The following MMEL1 variants were observed in gnomAD, a reference collection of about 807,000 sequenced individuals.
MMEL1 encodes the protein membrane metalloendopeptidase like 1, also known as membrane metallo-endopeptidase-like 1.
MMEL1 carries 98 observed loss-of-function variants against 117.1 expected under a neutral mutation model. That is an observed-to-expected ratio of 0.84 (90% CI 0.71 to 0.99). The LOEUF (loss-of-function observed/expected upper bound fraction) is 0.99. Ranked by LOEUF, MMEL1 falls within the 50% of genes least tolerant of loss-of-function variation. The pLI, the probability that MMEL1 is intolerant of heterozygous loss-of-function variation, is 0.00. For missense variants in MMEL1, 1,014 were observed against 1,049.1 expected (o/e 0.97, Z 0.46); for synonymous variants, 390 against 415.1 (o/e 0.94, Z 0.74).
intron 2 of MMEL1, among the ~76,000 whole-genome samples, chr1:2,623,013 C>CA (rs1645313743): frequency 6.6e-6 from 1 of 150,536 alleles, no homozygotes; most frequent in Non-Finnish European, 1.5e-5. Context: ...ACCAAAAATA[C>CA]AAAAAATTAG....
At chr1:2,630,875 T>C (rs1430301871) in intron 1 of MMEL1, among the ~76,000 whole-genome samples, 1 of 148,208 alleles carries the variant, frequency 6.7e-6, no homozygotes, top group Non-Finnish European at 1.5e-5. Context: ...CGTGTGTGCA[T>C]GTGTGTGACT....
At position 2,598,208 on chromosome 1, in the gene MMEL1, T is replaced by C. The variant is rs1481660460; in HGVS notation, c.1271A>G (p.Lys424Arg). Reference sequence around the variant, plus strand: ...GCTCTGGGCAGGGAAGGGGCTCACCTTGCGGTAGTTCACTCGTGTGTCCTT... The same window carrying C: ...GCTCTGGGCAGGGAAGGGGCTCACCCTGCGGTAGTTCACTCGTGTGTCCTT... ...RFKDTRVNYR[K>R]ALFGTMVEEV... The change falls in exon 13 of 24, where the codon AAG (lysine) becomes AGG (arginine). Residue 424 changes from lysine to arginine, a missense_variant and splice_region_variant. Coordinates refer to ENST00000378412, the MANE Select transcript of MMEL1 (RefSeq NM_033467.4). 6.2e-7 allele frequency: 1 copy of C among 1,613,704 alleles called. No individual in the cohort carries two copies. Among genetic ancestry groups the C allele is most frequent in the African/African-American group, 1.3e-5 (1 of 74,922 alleles).
At position 2,595,002 on chromosome 1, in the gene MMEL1, G is replaced by A. The variant is rs951365528; in HGVS notation, c.1585-109C>T. 1.1e-5 allele frequency: 10 copies of A among 907,724 alleles called. No individual in the cohort carries two copies. The highest frequency in any genetic ancestry group is 3.3e-5 in the African/African-American group (2 of 60,638). 56.2% of individuals were successfully genotyped at this position (907,724 alleles called of 1,614,324 possible). A position where few individuals can be genotyped will look rare whatever the true frequency, so the allele number is the denominator to read the frequency against. ...GGACCTCAAGCCTTGCCAGGCGTCC[G>A]CACGTGGACAGTCGGCTGTGGGTGC... On this transcript the variant is annotated intron_variant, in intron 16 of 23. Coordinates refer to ENST00000378412, the MANE Select transcript of MMEL1 (RefSeq NM_033467.4). The surrounding 1 kb of genome is among the most constrained non-coding windows in gnomAD (Gnocchi z 4.8).
At chr1:2,594,769 C>T (rs766550796) in intron 17 of MMEL1, 21 bp downstream of exon 17, 19 of 1,601,804 alleles carry the variant, frequency 1.2e-5, no homozygotes, top group Middle Eastern at 1.7e-4. Flanking sequence ...CCGCCCATGC[C>T]GCACCAGCGA....
At position 2,611,357 on chromosome 1, in the gene MMEL1, GC is replaced by G; in HGVS notation, c.233-18del. The G allele has an allele frequency of 6.6e-7, 1 of 1,506,816 alleles. No individual in the cohort carries two copies. Among genetic ancestry groups the G allele is most frequent in the Non-Finnish European group, 8.9e-7 (1 of 1,127,392 alleles). The allele number at this position is 1,506,816 out of a possible 1,614,324, so 93.3% of individuals were successfully genotyped here. A position where few individuals can be genotyped will look rare whatever the true frequency, so the allele number is the denominator to read the frequency against. Reference sequence around the variant, plus strand: ...CTGGGATCCCTGCGGGCAAGGAGCAGCCTGAGCACCGGGAGCCACGGAGAGG... The same window carrying G: ...CTGGGATCCCTGCGGGCAAGGAGCAGCTGAGCACCGGGAGCCACGGAGAGG... On this transcript the variant is annotated intron_variant, in intron 3 of 23. Coordinates refer to ENST00000378412, the MANE Select transcript of MMEL1 (RefSeq NM_033467.4).
intron 7 of MMEL1, among the ~76,000 whole-genome samples, 170 bp downstream of exon 7, chr1:2,606,804 C>T (rs1645036083): frequency 6.6e-6 from 1 of 152,140 alleles, no homozygotes; most frequent in African/African-American, 2.4e-5. Context: ...ACCTAAACCA[C>T]CTCCCAGGAC....
intron 14 of MMEL1, 133 bp from the exon 15 acceptor site, chr1:2,596,240 G>T: frequency 1.2e-6 from 1 of 814,746 alleles, no homozygotes; most frequent in Non-Finnish European, 2.0e-6. Flanking sequence ...GGGCCTCTCA[G>T]GTGAGGTGTG....
At chr1:2,607,639 A>G (rs1018920007) in intron 6 of MMEL1, among the ~76,000 whole-genome samples, 4 of 152,152 alleles carry the variant, frequency 2.6e-5, no homozygotes, top group Non-Finnish European at 5.9e-5. Context: ...GACCACCCAC[A>G]GGGCAAAGTG....
rs149835475 is a variant in MMEL1 at position 2,602,353 on chromosome 1, C to T, written c.1041+1531G>A. On this transcript the variant is annotated intron_variant, in intron 11 of 23. Coordinates refer to ENST00000378412, the MANE Select transcript of MMEL1 (RefSeq NM_033467.4). ...CATAAATGCATTGTAAACCAAATGT[C>T]CCCAAACCCTGGGCTCCTGGACGCT... is the stretch of plus-strand genomic sequence containing the variant. 5.9e-3 allele frequency among the ~76,000 whole-genome samples: 897 copies of T among 152,252 alleles called. 3 individuals are homozygous for T. Among genetic ancestry groups the T allele is most frequent in the Non-Finnish European group, 9.6e-3 (650 of 67,992 alleles).
chr1:2,620,429 A>C (rs542882390), intron 2 of MMEL1, among the ~76,000 whole-genome samples: 2 of 152,342 alleles, frequency 1.3e-5, no homozygotes, highest in South Asian at 4.1e-4. Flanking sequence ...GGCTCCCCAA[A>C]CTTGTCTGAT....
rs1200320805 is a variant in MMEL1 at position 2,594,385 on chromosome 1, C to T, written c.1747G>A (p.Val583Ile). ...CAGGCAGGGAGGGGGAGGAACTTAC[C>T]AATCTGGTTTCGGTTTGGGGAGTAG... ...AFYSPNRNQI[V>I]FPAGILQPPF... The change falls in exon 18 of 24, where the codon GTA becomes ATA. Residue 583 changes from valine to isoleucine, a missense_variant and splice_region_variant. Physicochemically the swap from Val to Ile is conservative, Grantham distance 29. Coordinates refer to ENST00000378412, the MANE Select transcript of MMEL1 (RefSeq NM_033467.4). 6.4e-7 allele frequency: 1 copy of T among 1,551,738 alleles called. No individual in the cohort carries two copies. Among genetic ancestry groups the T allele is most frequent in the Non-Finnish European group, 8.7e-7 (1 of 1,147,024 alleles).
chr1:2,603,802 G>T, intron 11 of MMEL1, 82 bp downstream of exon 11: 4 of 1,239,294 alleles, frequency 3.2e-6, no homozygotes, highest in South Asian at 2.5e-5. Flanking sequence ...GCCAGGCAAC[G>T]TGCCCTCTCA....
intron 2 of MMEL1, among the ~76,000 whole-genome samples, chr1:2,614,088 G>A (rs887708371): frequency 1.3e-5 from 2 of 152,228 alleles, no homozygotes; most frequent in Non-Finnish European, 2.9e-5. Flanking sequence ...TATTCTGTAC[G>A]ATACTGTGGT....
intron 23 of MMEL1, 186 bp from the exon 24 acceptor site, chr1:2,591,275 C>T (rs374597613): frequency 8.9e-5 from 53 of 596,592 alleles, no homozygotes; most frequent in East Asian, 4.5e-4. Flanking sequence ...CTGAGAATAA[C>T]CTCCCCTCCA....
chr1:2,608,676 C>G (rs900431654), intron 6 of MMEL1, among the ~76,000 whole-genome samples: 1 of 151,922 alleles, frequency 6.6e-6, no homozygotes, highest in African/African-American at 2.4e-5. Context: ...ATAGAATACA[C>G]ACATATACAC....
rs1570660012 is a variant in MMEL1 at position 2,598,726 on chromosome 1, T to C, written c.1106A>G (p.Asp369Gly). Reference protein sequence around the residue: ...LSSVKIKLLPDEEVVVYGIPY... With the variant: ...LSSVKIKLLPGEEVVVYGIPY... ...GATGCCATAGACCACCACTTCCTCA[T>C]CTGGCAGCAGCTTGATTTTGACAGA... is the stretch of plus-strand genomic sequence containing the variant. The change falls in exon 12 of 24, where the codon GAT becomes GGT. Residue 369 changes from aspartate (D) to glycine (G), a missense_variant. Physicochemically the swap from Asp to Gly is moderately conservative, Grantham distance 94 (BLOSUM62 -1). Transcript: ENST00000378412. 2 of 1,614,148 alleles carry C rather than the reference T, an allele frequency of 1.2e-6. No individual in the cohort carries two copies. Among genetic ancestry groups the C allele is most frequent in the Admixed American group, 3.3e-5 (2 of 60,020 alleles).
rs535682893 is a variant in MMEL1 at position 2,591,481 on chromosome 1, T to G, written c.2240+76A>C. ...CTCTGTTGAGCCACTTTTTGTGCTTTCTTCTTTTACAGGCCACTGGGGTGG... is the reference window on the plus strand; with the variant it reads ...CTCTGTTGAGCCACTTTTTGTGCTTGCTTCTTTTACAGGCCACTGGGGTGG... On this transcript the variant is annotated intron_variant, in intron 23 of 23. Coordinates refer to ENST00000378412, the MANE Select transcript of MMEL1 (RefSeq NM_033467.4). 1.2e-4 allele frequency: 151 copies of G among 1,244,378 alleles called. No individual in the cohort carries two copies. The African/African-American group carries it at 1.7e-3, about 14-fold the overall frequency. 77.1% of individuals were successfully genotyped at this position (1,244,378 alleles called of 1,614,324 possible).
At chr1:2,593,106 G>A in intron 19 of MMEL1, 140 bp from the exon 20 acceptor site, 1 of 1,079,176 alleles carries the variant, frequency 9.3e-7, no homozygotes, top group South Asian at 1.5e-5. Flanking sequence ...AGTAGGCTGA[G>A]CCTGGAAGAG....
At chr1:2,602,918 C>T (rs1411443498) in intron 11 of MMEL1, among the ~76,000 whole-genome samples, 1 of 152,234 alleles carries the variant, frequency 6.6e-6, no homozygotes, top group African/African-American at 2.4e-5. Context: ...GGTCACTCCG[C>T]TTTTCTGTCC....
Sources: gnomAD v4.1 joint callset for allele counts (sites outside exome capture counted in the v4.1 genomes callset) on GRCh38, gnomAD v4.1.1 for gene constraint, Gnocchi (gnomAD v3.1) non-coding constraint, MANE v1.5 for transcripts, NCBI Gene and HGNC (gene_info 2026-07-23, HGNC 2026-07-21) for gene names.